Variants in NFIC observed in about 807,000 individuals in gnomAD.
The protein encoded by NFIC is nuclear factor 1 C-type.
Under a neutral mutation model 54.4 loss-of-function variants are expected in NFIC, and 12 were observed. The ratio of observed to expected loss-of-function variants is 0.22; its 90% CI spans 0.14 to 0.36. The LOEUF (loss-of-function observed/expected upper bound fraction) is 0.36. NFIC is among the 10% of genes least tolerant of loss of function. NFIC has a pLI of 1.00. For synonymous variants in NFIC, 322 were observed against 319.2 expected (o/e 1.01, Z -0.09); for missense variants, 575 against 718.2 (o/e 0.80, Z 2.28).
chr19:3,444,481 CTGCTGAA>C (rs2082340885), intron 6 of NFIC, among the ~76,000 whole-genome samples: 2 of 152,240 alleles, frequency 1.3e-5, no homozygotes, highest in Admixed American at 1.3e-4. Flanking sequence ...CCAGGCATGC[CTGCTGAA>C]CAGACAGAGG....
In NFIC at chr19:3,425,053, T is replaced by G. The variant is rs949198703; in HGVS notation, c.563-53T>G. ...CCACCAGCATCGACACTTCATCTGC[T>G]CCTGGGGTGGGGTCTCTGTGATGCC... On this transcript the variant is annotated intron_variant, in intron 2 of 10. Transcript: ENST00000443272. 10 of 1,594,900 alleles carry G rather than the reference T, an allele frequency of 6.3e-6. No individual in the cohort carries two copies. In the African/African-American group the frequency reaches 1.1e-4, roughly 17 times the overall value.
chr19:3,387,276 C>T (rs1162999949), intron 2 of NFIC, among the ~76,000 whole-genome samples: 1 of 152,146 alleles, frequency 6.6e-6, no homozygotes, highest in Non-Finnish European at 1.5e-5. Context: ...CCGAGGCAGG[C>T]GGATCACCTG....
intron 1 of NFIC, among the ~76,000 whole-genome samples, chr19:3,378,459 C>T (rs895952357): frequency 1.3e-5 from 2 of 152,192 alleles, no homozygotes; most frequent in Non-Finnish European, 2.9e-5. Context: ...TGGGAGGGGC[C>T]TCCCCACACC....
intron 5 of NFIC, 50 bp from the exon 6 acceptor site, chr19:3,435,033 C>T (rs778015462): frequency 2.0e-6 from 3 of 1,511,502 alleles, no homozygotes; most frequent in South Asian, 1.2e-5. Context: ...TCGCGCCCCC[C>T]GCCCCGCGTC....
chr19:3,394,909 C>T (rs1277369071), intron 2 of NFIC, among the ~76,000 whole-genome samples: 2 of 152,108 alleles, frequency 1.3e-5, no homozygotes, highest in African/African-American at 2.4e-5. Context: ...CCACTCACCC[C>T]GTCCCTGGAA....
At chr19:3,379,732 C>T (rs548714911) in intron 1 of NFIC, among the ~76,000 whole-genome samples, 19 of 146,010 alleles carry the variant, frequency 1.3e-4, no homozygotes, top group African/African-American at 4.9e-4. Flanking sequence ...CGTTGTCACC[C>T]GGGCTGGAGA....
intron 2 of NFIC, among the ~76,000 whole-genome samples, chr19:3,419,783 A>G (rs7246730): frequency 0.73 from 109,588 of 149,920 alleles, 41,592 homozygotes; most frequent in African/African-American, 0.91. Context: ...TGGGCGACAC[A>G]GCGATACTCT....
chr19:3,453,100 A>G lies in NFIC; in HGVS notation c.1269+434A>G, dbSNP rs2082493646. On this transcript the variant is annotated intron_variant, in intron 8 of 10. Transcript: ENST00000443272. This position sits in a 1 kb window ranked among gnomAD's most constrained non-coding sequence, Gnocchi z 6.7. Reference sequence around the variant, plus strand: ...AAAAATACTTAAAAATGAGCCACGCATGGTGGCGGGCGCCTGTAGTCCCAG... The same window carrying G: ...AAAAATACTTAAAAATGAGCCACGCGTGGTGGCGGGCGCCTGTAGTCCCAG... Among the ~76,000 whole-genome samples, 1 of 152,152 alleles carries G rather than the reference A, an allele frequency of 6.6e-6. No homozygotes were observed. The highest frequency in any genetic ancestry group is 1.5e-5 in the Non-Finnish European group (1 of 68,024).
chr19:3,385,819 G>C (rs1208870458), intron 2 of NFIC, among the ~76,000 whole-genome samples: 3 of 151,806 alleles, frequency 2.0e-5, no homozygotes, highest in African/African-American at 7.3e-5. Flanking sequence ...TGATCCACCC[G>C]CCTCGGCCTC....
rs568699739 is a variant in NFIC at position 3,452,844 on chromosome 19, C to T, written c.1269+178C>T. On this transcript the variant is annotated intron_variant, in intron 8 of 10. Transcript: ENST00000443272. This position sits in a 1 kb window ranked among gnomAD's most constrained non-coding sequence, Gnocchi z 5.3. ...GATTGGGTCAGAATTGAGATGCTTT[C>T]GGATGTCAGGGTTTCGGGCGCATCA... 4.6e-5 allele frequency among the ~76,000 whole-genome samples: 7 copies of T among 152,286 alleles called. No individual in the cohort carries two copies. Among genetic ancestry groups the T allele is most frequent in the East Asian group, 1.9e-4 (1 of 5,178 alleles).
chr19:3,395,747 C>T (rs2081452083), intron 2 of NFIC, among the ~76,000 whole-genome samples: 1 of 152,022 alleles, frequency 6.6e-6, no homozygotes, highest in Non-Finnish European at 1.5e-5. Context: ...GTGGCGCAAT[C>T]TTGGCTCACT....
At chr19:3,423,585 G>A (rs1203384539) in intron 2 of NFIC, among the ~76,000 whole-genome samples, 1 of 152,182 alleles carries the variant, frequency 6.6e-6, no homozygotes, top group African/African-American at 2.4e-5. Context: ...TCAGCCCTCC[G>A]TGGAGGGGTC....
chr19:3,433,715 C>A, intron 4 of NFIC, 123 bp downstream of exon 4: 3 of 1,111,904 alleles, frequency 2.7e-6, no homozygotes, highest in East Asian at 2.7e-5. Context: ...GTCACTAAGC[C>A]AAGGTTCCTA....
chr19:3,384,970 A>C (rs532610658), intron 2 of NFIC, among the ~76,000 whole-genome samples: 1 of 151,442 alleles, frequency 6.6e-6, no homozygotes, highest in Non-Finnish European at 1.5e-5. Flanking sequence ...ACAATTTTGA[A>C]GCGAGCTTTT....
intron 1 of NFIC, among the ~76,000 whole-genome samples, chr19:3,378,672 T>G (rs569497519): frequency 6.6e-6 from 1 of 152,188 alleles, no homozygotes; most frequent in Non-Finnish European, 1.5e-5. Context: ...GATTTGGGAG[T>G]AGGTTGAAGT....
chr19:3,455,295 C>T (rs931748764), intron 9 of NFIC, among the ~76,000 whole-genome samples: 2 of 152,062 alleles, frequency 1.3e-5, no homozygotes, highest in Admixed American at 6.5e-5. Flanking sequence ...TGCGTGGGAT[C>T]CACTCAGGGC....
At chr19:3,420,970 A>G (rs6510744) in intron 2 of NFIC, among the ~76,000 whole-genome samples, 138,127 of 152,266 alleles carry the variant, frequency 0.91, 62,734 homozygotes, top group Non-Finnish European at 0.93. Context: ...TGATCCACCC[A>G]CGTTGGCCTC....
At chr19:3,435,404 T>C (rs2082185245) in intron 6 of NFIC, among the ~76,000 whole-genome samples, 197 bp downstream of exon 6, 1 of 152,204 alleles carries the variant, frequency 6.6e-6, no homozygotes, top group Non-Finnish European at 1.5e-5. Context: ...CGGATCTCTT[T>C]GGTTCCGCTG....
At chr19:3,404,022 C>G (rs1303847241) in intron 2 of NFIC, among the ~76,000 whole-genome samples, 1 of 151,620 alleles carries the variant, frequency 6.6e-6, no homozygotes, top group Non-Finnish European at 1.5e-5. Context: ...CCCCCAGCCC[C>G]TGGCCTGCCC....
Sources: gnomAD v4.1 joint callset for allele counts (sites outside exome capture counted in the v4.1 genomes callset) on GRCh38, gnomAD v4.1.1 for gene constraint, Gnocchi (gnomAD v3.1) non-coding constraint, MANE v1.5 for transcripts, NCBI Gene and HGNC (gene_info 2026-07-23, HGNC 2026-07-21) for gene names.